Variants in EHHADH observed in about 807,000 individuals in gnomAD.
EHHADH encodes enoyl-CoA hydratase and 3-hydroxyacyl CoA dehydrogenase.
A neutral mutation model predicts 64.4 loss-of-function variants in EHHADH; 48 were observed. The ratio of observed to expected loss-of-function variants is 0.75; its 90% confidence interval spans 0.59 to 0.95. The LOEUF is 0.95. Ranked by LOEUF, EHHADH falls within the 40% of genes least tolerant of loss-of-function variation. The probability of loss-of-function intolerance (pLI) is 0.00; values close to 1 mark genes in which losing one functional copy is unlikely to be tolerated. For missense variants in EHHADH, 854 were observed against 876.6 expected, an observed-to-expected ratio of 0.97 and a Z score of 0.33; for synonymous variants, 308 against 326.7, an observed-to-expected ratio of 0.94 and a Z score of 0.62.
chr3:185,233,684 T>C (rs1336713312), intron 3 of EHHADH, among the ~76,000 whole-genome samples: 2 of 152,216 alleles, frequency 1.3e-5, no homozygotes, highest in African/African-American at 4.8e-5. Flanking sequence ...ACCCGCTCTG[T>C]CACCAGGCTG....
At position 185,239,663 on chromosome 3, in the gene EHHADH, G is replaced by C. The variant is rs534376240; in HGVS notation, c.179-4201C>G. Among the ~76,000 whole-genome samples, 22 of 152,178 alleles carry C rather than the reference G, an allele frequency of 1.4e-4. No homozygotes were observed. The East Asian group carries it at 2.5e-3, about 17-fold the overall frequency. On this transcript the variant is annotated intron_variant, in intron 2 of 6. Coordinates refer to ENST00000231887, the MANE Select transcript of EHHADH (RefSeq NM_001966.4). ...GAAACTTACTGAAGTCATTTATCAA[G>C]TGTAAGAGTCTTTTGGAAGAGTCGT...
Position 185,192,660 on chromosome 3 carries a change from A to G in EHHADH, c.1738T>C (p.Tyr580His). The G allele has an allele frequency of 6.2e-7, 1 of 1,614,180 alleles. No homozygotes were observed. Among genetic ancestry groups the G allele is most frequent in the South Asian group, 1.1e-5 (1 of 91,082 alleles). Residue 580 changes from tyrosine (Y) to histidine (H), a missense_variant, in exon 7 of 7, where the codon TAT becomes CAT. Tyr to His is a moderately conservative substitution (Grantham distance 83). Coordinates refer to ENST00000231887, the MANE Select transcript of EHHADH (RefSeq NM_001966.4). ...RFGQKTGKGW[Y>H]QYDKPLGRIH... ...CTACCCAATGGCTTGTCATATTGAT[A>G]CCAACCCTTACCTGTCTTCTGGCCA...
chr3:185,241,997 T>C (rs1030205279), intron 2 of EHHADH, among the ~76,000 whole-genome samples: 2 of 152,210 alleles, frequency 1.3e-5, no homozygotes, highest in Admixed American at 1.3e-4. Flanking sequence ...GAGGATCCAA[T>C]TTCATTCTCC....
intron 4 of EHHADH, among the ~76,000 whole-genome samples, chr3:185,225,092 CATGTGGTTGTTT>C (rs1718938380): frequency 2.6e-5 from 4 of 152,134 alleles, no homozygotes; most frequent in African/African-American, 9.7e-5. Flanking sequence ...TTAAAACAAC[CATGTGGTTGTTT>C]ACTGATGAGA....
At chr3:185,204,134 A>G (rs1363246958) in intron 6 of EHHADH, among the ~76,000 whole-genome samples, 3 of 109,666 alleles carry the variant, frequency 2.7e-5, no homozygotes, top group African/African-American at 4.5e-5. Context: ...CTCTGTCTCA[A>G]AAAAAAAAAA....
chr3:185,232,311 G>C (rs1719158062), intron 3 of EHHADH, among the ~76,000 whole-genome samples: 1 of 152,150 alleles, frequency 6.6e-6, no homozygotes, highest in Non-Finnish European at 1.5e-5. Context: ...TGGTAAGAGG[G>C]ACACAGAAAA....
chr3:185,238,258 CTTTGGA>C (rs1158944031), intron 2 of EHHADH, among the ~76,000 whole-genome samples: 1 of 152,004 alleles, frequency 6.6e-6, no homozygotes, highest in African/African-American at 2.4e-5. Context: ...ATATATTTTC[CTTTGGA>C]CGGATCCCCA....
At chr3:185,230,141 A>T (rs1719113264) in intron 3 of EHHADH, among the ~76,000 whole-genome samples, 1 of 152,224 alleles carries the variant, frequency 6.6e-6, no homozygotes. Context: ...ACCCACTAAG[A>T]TGGCTATTTA....
chr3:185,222,872 A>C (rs971839191), intron 4 of EHHADH, among the ~76,000 whole-genome samples: 22 of 152,338 alleles, frequency 1.4e-4, no homozygotes, highest in African/African-American at 5.3e-4. Flanking sequence ...TGTGGCTGGT[A>C]TAATTTTAGT....
chr3:185,204,324 A>G, intron 6 of EHHADH, 92 bp downstream of exon 6: 2 of 1,153,834 alleles, frequency 1.7e-6, no homozygotes, highest in Non-Finnish European at 1.2e-6. Context: ...AATGTGTCTT[A>G]CGTGAAACCT....
intron 1 of EHHADH, among the ~76,000 whole-genome samples, chr3:185,250,704 TATA>T (rs10574447): frequency 0.66 from 100,012 of 151,890 alleles, 35,173 homozygotes; most frequent in Non-Finnish European, 0.79. Flanking sequence ...TGCCCTTATT[TATA>T]ATGATTCCCT....
At chr3:185,253,430 GA>G (rs1484742365) in intron 1 of EHHADH, among the ~76,000 whole-genome samples, 1 of 88,272 alleles carries the variant, frequency 1.1e-5, no homozygotes, top group Non-Finnish European at 2.0e-5. Flanking sequence ...GGGGTGGGGG[GA>G]GGGGGGAGGG....
intron 5 of EHHADH, among the ~76,000 whole-genome samples, chr3:185,208,006 C>A (rs1297457815): frequency 1.3e-5 from 2 of 152,190 alleles, no homozygotes; most frequent in African/African-American, 4.8e-5. Context: ...TAAGGAAATG[C>A]AAATTAAAAC....
At chr3:185,233,643 T>C (rs1196547288) in intron 3 of EHHADH, among the ~76,000 whole-genome samples, 1 of 152,122 alleles carries the variant, frequency 6.6e-6, no homozygotes, top group East Asian at 1.9e-4. Flanking sequence ...CAAATGTGGT[T>C]TTTTTTGTTG....
Position 185,253,723 on chromosome 3 carries a change from G to A in EHHADH, c.74+226C>T, listed in dbSNP as rs193152572. The A allele has an allele frequency of 8.0e-4, 823 of 1,027,108 alleles. 4 individuals carry two copies. In the African/African-American group the frequency reaches 0.013, roughly 17 times the overall value. The allele number at this position is 1,027,108 out of a possible 1,614,324, so 63.6% of individuals were successfully genotyped here. On this transcript the variant is annotated intron_variant, in intron 1 of 6. Transcript: ENST00000231887. ...GTTTCCTTATCAGTAAAACGGGGAC[G>A]AGAGTTCCCTGCGAAGATTAACCAA... is the stretch of plus-strand genomic sequence containing the variant.
rs1190926729 is a variant in EHHADH at position 185,193,003 on chromosome 3, CTT to C, written c.1393_1394del (p.Lys465AspfsTer2). 6 of 1,614,046 alleles carry C rather than the reference CTT, an allele frequency of 3.7e-6. No individual in the cohort carries two copies. The highest frequency in any genetic ancestry group is 4.2e-6 in the Non-Finnish European group (5 of 1,180,040). On this transcript the variant is annotated frameshift_variant, in exon 7 of 7. Coordinates refer to ENST00000231887, the MANE Select transcript of EHHADH (RefSeq NM_001966.4). LOFTEE classifies it high-confidence loss of function. ...TIATVMNLSK[K>X]IKKIGVVVGN... ...CTACAACGACTCCAATCTTTTTAAT[CTT>C]TTTTGATAAGTTCATAACAGTGGCA...
intron 2 of EHHADH, chr3:185,246,051 ACTTGACATTCTTCTT>A: frequency 1.0e-5 from 13 of 1,286,068 alleles, no homozygotes; most frequent in Non-Finnish European, 1.5e-5. Context: ...TCATCTGGGA[ACTTGACATTCTTCTT>A]TTTCTTCTTT....
rs1233360096 is a variant in EHHADH, at chr3:185,213,183, A to T, written c.568+4953T>A. Among the ~76,000 whole-genome samples the T allele has an allele frequency of 6.6e-5, 10 of 151,314 alleles. No individual in the cohort carries two copies. In the East Asian group the frequency reaches 2.0e-3, roughly 30 times the overall value. ...GTGTTTGCGTGTCAGGTGTAAAAAA[A>T]ATCAAAACTAGCAAAAATTATCTCC... On this transcript the variant is annotated intron_variant, in intron 5 of 6. Transcript: ENST00000231887.
intron 4 of EHHADH, among the ~76,000 whole-genome samples, chr3:185,227,042 T>C (rs1401722956): frequency 2.0e-5 from 3 of 152,238 alleles, no homozygotes; most frequent in Non-Finnish European, 4.4e-5. Flanking sequence ...AATTGCTGGA[T>C]GAATAAATAA....
Sources: gnomAD v4.1 joint callset for allele counts (sites outside exome capture counted in the v4.1 genomes callset) on GRCh38, gnomAD v4.1.1 for gene constraint, MANE v1.5 for transcripts, NCBI Gene and HGNC (gene_info 2026-07-23, HGNC 2026-07-21) for gene names.